Variants in UMAD1 observed in about 807,000 individuals in gnomAD.
UMAD1 encodes the protein UBAP1-MVB12-associated (UMA) domain containing 1.
A neutral mutation model predicts 6.1 loss-of-function variants in UMAD1; 8 were observed. The ratio of observed to expected loss-of-function variants is 1.30; its 90% CI spans 0.76 to 2.35. The LOEUF is 2.35. Ranked by LOEUF, UMAD1 falls within the 30% of genes most tolerant of loss-of-function variation. The pLI is 0.00. For synonymous variants in UMAD1, 56 were observed against 31.4 expected (o/e 1.78, Z -2.61); for missense variants, 130 against 78.4 (o/e 1.66, Z -2.49).
rs1253044590 is a variant in UMAD1, at chr7:7,830,854, T to G, written c.156+29111T>G. 1.3e-5 allele frequency among the ~76,000 whole-genome samples: 2 copies of G among 152,150 alleles called. No individual in the cohort carries two copies. The highest frequency in any genetic ancestry group is 2.9e-5 in the Non-Finnish European group (2 of 68,012). ...TGAAGCCTGTTTATATCTTCCCATC[T>G]TTTTAAGTATCTGCATAGAAAAATT... On this transcript the variant is annotated intron_variant, in intron 3 of 3. Coordinates refer to ENST00000682710, the MANE Select transcript of UMAD1 (RefSeq NM_001302348.2). This position sits in a 1 kb window ranked among gnomAD's most constrained non-coding sequence, Gnocchi z 5.3.
At position 7,714,616 on chromosome 7, in the gene UMAD1, T is replaced by C. The variant is rs566489580; in HGVS notation, c.82+41163T>C. On this transcript the variant is annotated intron_variant, in intron 2 of 3. Coordinates refer to ENST00000682710, the MANE Select transcript of UMAD1 (RefSeq NM_001302348.2). ...TAAATATCTTTAAATTCTCATTTGC[T>C]TTAAAACAGTTGGAGGTTGTGTACA... Among the ~76,000 whole-genome samples, 6 of 152,312 alleles carry C rather than the reference T, an allele frequency of 3.9e-5. No homozygotes were observed. The South Asian group carries it at 1.2e-3, about 32-fold the overall frequency.
rs1459248915 is a variant in UMAD1, at chr7:7,820,322, C to T, written c.156+18579C>T. Reference sequence around the variant, plus strand: ...ATTAGAAGTGATTAAGATGAATACTCAGCTTGTATCTCAAGATCTTTTTAG... The same window carrying T: ...ATTAGAAGTGATTAAGATGAATACTTAGCTTGTATCTCAAGATCTTTTTAG... On this transcript the variant is annotated intron_variant, in intron 3 of 3. Coordinates refer to ENST00000682710, the MANE Select transcript of UMAD1 (RefSeq NM_001302348.2). Among the ~76,000 whole-genome samples, 6 of 152,138 alleles carry T rather than the reference C, an allele frequency of 3.9e-5. No individual in the cohort carries two copies. The South Asian group carries it at 1.0e-3, about 26-fold the overall frequency.
At chr7:7,773,290 A>T (rs1269647630) in intron 2 of UMAD1, among the ~76,000 whole-genome samples, 1 of 152,220 alleles carries the variant, frequency 6.6e-6, no homozygotes, top group Non-Finnish European at 1.5e-5. Flanking sequence ...AAAAACTGTT[A>T]GGGTATTAGC....
At chr7:7,785,938 A>G (rs140503315) in intron 2 of UMAD1, among the ~76,000 whole-genome samples, 23 of 152,352 alleles carry the variant, frequency 1.5e-4, no homozygotes, top group African/African-American at 5.5e-4. Context: ...TATCATATTC[A>G]TGTATTCTAA....
chr7:7,735,955 C>G (rs1190101799), intron 2 of UMAD1: 1 of 152,316 alleles, frequency 6.6e-6, no homozygotes, highest in Non-Finnish European at 1.5e-5. Context: ...TAGAGAATTG[C>G]TTTCCCTGAT....
At position 7,847,092 on chromosome 7, in the gene UMAD1, AAAAAAAAAAAAAATATATATAT is replaced by A. The variant is rs1410437093; in HGVS notation, c.157-30187_157-30166del. Among the ~76,000 whole-genome samples, 13 of 29,250 alleles carry A rather than the reference AAAAAAAAAAAAAATATATATAT, an allele frequency of 4.4e-4. 2 individuals carry two copies. Among genetic ancestry groups the A allele is most frequent in the African/African-American group, 2.5e-3 (11 of 4,356 alleles). 19.2% of individuals were successfully genotyped at this position (29,250 alleles called of 152,430 possible). On this transcript the variant is annotated intron_variant, in intron 3 of 3. Transcript: ENST00000682710. Reference sequence around the variant, plus strand: ...AAAAAAAAAAGACAGCAATGCAAAAAAAAAAAAAAAAAATATATATATATATATATATATATATATATATATA... The same window carrying A: ...AAAAAAAAAAGACAGCAATGCAAAAAATATATATATATATATATATATATA...
At chr7:7,689,304 T>C (rs796404122) in intron 2 of UMAD1, 9 of 152,326 alleles carry the variant, frequency 5.9e-5, no homozygotes, top group African/African-American at 2.2e-4. Context: ...TGGCTGATGA[T>C]GTTTTATCTA....
intron 2 of UMAD1, among the ~76,000 whole-genome samples, chr7:7,790,451 A>G (rs1782546859): frequency 6.6e-6 from 1 of 152,220 alleles, no homozygotes; most frequent in Non-Finnish European, 1.5e-5. Flanking sequence ...TCATAAATGT[A>G]GTAAAGGAGG....
At chr7:7,770,423 C>T (rs761578682) in intron 2 of UMAD1, among the ~76,000 whole-genome samples, 26 of 152,114 alleles carry the variant, frequency 1.7e-4, no homozygotes, top group Non-Finnish European at 3.5e-4. Context: ...TCCCAATCCC[C>T]GTTGGCATAA....
chr7:7,723,922 T>TA (rs1409614046), intron 2 of UMAD1, among the ~76,000 whole-genome samples: 2 of 152,184 alleles, frequency 1.3e-5, no homozygotes, highest in Non-Finnish European at 2.9e-5. Context: ...ACTTAATTTA[T>TA]ATGAGAAGAA....
intron 2 of UMAD1, among the ~76,000 whole-genome samples, chr7:7,759,676 G>A (rs1219765175): frequency 2.0e-5 from 3 of 152,200 alleles, no homozygotes; most frequent in Non-Finnish European, 4.4e-5. Flanking sequence ...TTGGAGGAAG[G>A]GAAATTTAAG....
chr7:7,874,466 T>C (rs1784381874), intron 3 of UMAD1, among the ~76,000 whole-genome samples: 1 of 152,178 alleles, frequency 6.6e-6, no homozygotes, highest in Non-Finnish European at 1.5e-5. Flanking sequence ...ATCCACATAA[T>C]GTTGAGTAAA....
chr7:7,720,244 C>A (rs1278287082), intron 2 of UMAD1, among the ~76,000 whole-genome samples: 1 of 152,098 alleles, frequency 6.6e-6, no homozygotes, highest in African/African-American at 2.4e-5. Flanking sequence ...ATAAAAGTCA[C>A]AAACTATACA....
At chr7:7,855,448 A>C (rs1236223670) in intron 3 of UMAD1, among the ~76,000 whole-genome samples, 2 of 152,134 alleles carry the variant, frequency 1.3e-5, no homozygotes, top group African/African-American at 4.8e-5. Context: ...CAAGACCAAC[A>C]CCACCTGGAA....
intron 2 of UMAD1, among the ~76,000 whole-genome samples, chr7:7,791,343 A>T (rs11760601): frequency 0.14 from 21,001 of 152,192 alleles, 1,595 homozygotes; most frequent in Middle Eastern, 0.21. Flanking sequence ...TTCTATTGGC[A>T]GTATTTTGGG....
intron 2 of UMAD1, among the ~76,000 whole-genome samples, chr7:7,738,179 T>C (rs771215390): frequency 6.6e-6 from 1 of 152,218 alleles, no homozygotes; most frequent in Non-Finnish European, 1.5e-5. Flanking sequence ...AGAAGTTTAG[T>C]GTGACCAACC....
chr7:7,731,721 C>T (rs141001420), intron 2 of UMAD1, among the ~76,000 whole-genome samples: 129 of 152,168 alleles, frequency 8.5e-4, no homozygotes, highest in South Asian at 7.7e-3. Flanking sequence ...TGGAGTGTAA[C>T]GCTAGAGCAA....
intron 1 of UMAD1, among the ~76,000 whole-genome samples, chr7:7,654,390 T>G (rs1176720456): frequency 1.3e-5 from 2 of 152,226 alleles, no homozygotes; most frequent in Non-Finnish European, 2.9e-5. Context: ...AAGATGACTT[T>G]ATCATATGGA....
In UMAD1 at chr7:7,680,820, T is replaced by G. The variant is rs899670372; in HGVS notation, c.82+7367T>G. 2.6e-5 allele frequency among the ~76,000 whole-genome samples: 4 copies of G among 152,140 alleles called. No individual in the cohort carries two copies. In the East Asian group the frequency reaches 7.7e-4, roughly 29 times the overall value. On this transcript the variant is annotated intron_variant, in intron 2 of 3. Coordinates refer to ENST00000682710, the MANE Select transcript of UMAD1 (RefSeq NM_001302348.2). ...CTGGTAGCTTTATAAATGGGATTACTTTCTTGGTTTCTTTTTCAAATTGTT... is the reference window on the plus strand; with the variant it reads ...CTGGTAGCTTTATAAATGGGATTACGTTCTTGGTTTCTTTTTCAAATTGTT...
Sources: allele counts gnomAD v4.1 joint callset (sites outside exome capture counted in the v4.1 genomes callset), GRCh38; gene constraint gnomAD v4.1.1; non-coding constraint Gnocchi (gnomAD v3.1); transcripts MANE v1.5; gene names NCBI Gene and HGNC (gene_info 2026-07-23, HGNC 2026-07-21).